The following PLD5 variants were observed in gnomAD, a reference collection of about 807,000 sequenced individuals.
PLD5 encodes the protein inactive phospholipase D5.
In PLD5, 36 loss-of-function variants were observed where a neutral mutation model predicts 61.1. The ratio of observed to expected loss-of-function variants is 0.59; its 90% CI spans 0.45 to 0.78. PLD5 has a LOEUF of 0.78. PLD5 is among the 30% of genes least tolerant of loss of function. The probability of loss-of-function intolerance (pLI) is 0.00; values close to 1 mark genes in which losing one functional copy is unlikely to be tolerated. For missense variants in PLD5, 515 were observed against 644.4 expected (o/e 0.80, Z 2.17); for synonymous variants, 243 against 242.8 (o/e 1.00, Z -0.01).
intron 9 of PLD5, among the ~76,000 whole-genome samples, chr1:242,091,108 C>T (rs1659788851): frequency 6.6e-6 from 1 of 152,028 alleles, no homozygotes; most frequent in Non-Finnish European, 1.5e-5. Flanking sequence ...ATGTCTCTGT[C>T]CAAATTTCCC....
chr1:242,246,040 G>T (rs1263923627), intron 4 of PLD5, among the ~76,000 whole-genome samples: 1 of 152,132 alleles, frequency 6.6e-6, no homozygotes, highest in African/African-American at 2.4e-5. Context: ...CTAGGCAGTA[G>T]CTACTATTAT....
At chr1:242,338,371 T>C (rs368760509) in intron 2 of PLD5, among the ~76,000 whole-genome samples, 3 of 152,092 alleles carry the variant, frequency 2.0e-5, no homozygotes, top group East Asian at 3.9e-4. Context: ...CTGAAACAGG[T>C]TGTCTGTGGA....
chr1:242,436,817 C>T (rs61839790), intron 1 of PLD5, among the ~76,000 whole-genome samples: 8 of 152,264 alleles, frequency 5.3e-5, no homozygotes, highest in African/African-American at 9.6e-5. Flanking sequence ...GGTTGCACCA[C>T]GTTCTACCCA....
chr1:242,468,198 T>A (rs780979527), intron 1 of PLD5, among the ~76,000 whole-genome samples: 19 of 152,208 alleles, frequency 1.2e-4, no homozygotes, highest in African/African-American at 1.9e-4. Flanking sequence ...TTATTGACTT[T>A]AAGCATTTGT....
At chr1:242,324,942 C>A (rs1460290902) in intron 2 of PLD5, among the ~76,000 whole-genome samples, 1 of 152,152 alleles carries the variant, frequency 6.6e-6, no homozygotes, top group Non-Finnish European at 1.5e-5. Flanking sequence ...CTCCTGCCTG[C>A]CTAAATATCT....
At chr1:242,463,950 C>T (rs1218861925) in intron 1 of PLD5, among the ~76,000 whole-genome samples, 1 of 152,158 alleles carries the variant, frequency 6.6e-6, no homozygotes, top group Non-Finnish European at 1.5e-5. Context: ...AAAGCATTAT[C>T]ATTCAGTTAT....
intron 5 of PLD5, among the ~76,000 whole-genome samples, chr1:242,169,053 A>G (rs1392280157): frequency 6.6e-6 from 1 of 152,014 alleles, no homozygotes; most frequent in African/African-American, 2.4e-5. Context: ...AACAATGTAT[A>G]TTAACACTGA....
chr1:242,491,002 A>G (rs1037786245), intron 1 of PLD5, among the ~76,000 whole-genome samples: 1 of 152,212 alleles, frequency 6.6e-6, no homozygotes, highest in African/African-American at 2.4e-5. Context: ...TACCTTTGGG[A>G]CATGACAGTC....
At chr1:242,481,282 C>A (rs557721149) in intron 1 of PLD5, among the ~76,000 whole-genome samples, 1 of 152,220 alleles carries the variant, frequency 6.6e-6, no homozygotes, top group East Asian at 1.9e-4. Context: ...CCGGGAAGTG[C>A]AAGGGGTCAG....
chr1:242,092,253 A>G (rs1361201487), intron 9 of PLD5, among the ~76,000 whole-genome samples: 1 of 152,022 alleles, frequency 6.6e-6, no homozygotes, highest in African/African-American at 2.4e-5. Flanking sequence ...CAGCCTCCTA[A>G]GTAGCTGTGA....
chr1:242,123,412 G>T (rs553299464), intron 6 of PLD5, among the ~76,000 whole-genome samples: 1 of 152,132 alleles, frequency 6.6e-6, no homozygotes, highest in Non-Finnish European at 1.5e-5. Flanking sequence ...AGGGTCACAG[G>T]TGGCCAGAGC....
In PLD5 at chr1:242,285,755, T is replaced by G. The variant is rs540660137; in HGVS notation, c.495+2607A>C. On this transcript the variant is annotated intron_variant, in intron 3 of 9. Coordinates refer to ENST00000536534, the MANE Select transcript of PLD5 (RefSeq NM_001372062.1). ...GGCAGATTACAAGTTTTTGAAGTAC[T>G]TCTATAGTAACTATAGAAGTAAACT... Among the ~76,000 whole-genome samples, 31 of 152,024 alleles carry G rather than the reference T, an allele frequency of 2.0e-4. No homozygotes were observed. The East Asian group carries it at 5.8e-3, about 28-fold the overall frequency.
intron 2 of PLD5, among the ~76,000 whole-genome samples, chr1:242,337,546 G>T (rs902296050): frequency 2.0e-5 from 3 of 152,180 alleles, no homozygotes; most frequent in Non-Finnish European, 4.4e-5. Context: ...CCGAAGAATT[G>T]CTTGAACCTG....
chr1:242,485,026 C>G (rs1473809932), intron 1 of PLD5, among the ~76,000 whole-genome samples: 1 of 151,756 alleles, frequency 6.6e-6, no homozygotes, highest in Non-Finnish European at 1.5e-5. Flanking sequence ...ATGCTAAAAA[C>G]TCTCAATAAA....
intron 1 of PLD5, among the ~76,000 whole-genome samples, chr1:242,419,911 C>T (rs7530798): frequency 0.44 from 67,378 of 151,996 alleles, 16,508 homozygotes; most frequent in African/African-American, 0.66. Flanking sequence ...CTGCTAGCTT[C>T]CAACTACTTT....
chr1:242,106,570 G>A (rs1459867185), intron 8 of PLD5, among the ~76,000 whole-genome samples: 1 of 152,204 alleles, frequency 6.6e-6, no homozygotes, highest in Non-Finnish European at 1.5e-5. Flanking sequence ...GCAGTGGAAT[G>A]AAGGCTAAAG....
At chr1:242,304,625 C>A (rs866875293) in intron 2 of PLD5, among the ~76,000 whole-genome samples, 4 of 152,166 alleles carry the variant, frequency 2.6e-5, no homozygotes, top group African/African-American at 7.2e-5. Flanking sequence ...CTATAAGAAA[C>A]ATTCTATGTA....
intron 1 of PLD5, among the ~76,000 whole-genome samples, chr1:242,402,689 T>A (rs1664008724): frequency 6.6e-6 from 1 of 152,218 alleles, no homozygotes. Context: ...CAGTATTTTG[T>A]TTTCTAATGT....
Position 242,524,343 on chromosome 1 carries a change from G to T in PLD5, c.-67C>A. 1 of 1,329,638 alleles carries T rather than the reference G, an allele frequency of 7.5e-7. No individual in the cohort carries two copies. The allele number at this position is 1,329,638 out of a possible 1,614,324, so 82.4% of individuals were successfully genotyped here. A position where few individuals can be genotyped will look rare whatever the true frequency, so the allele number is the denominator to read the frequency against. ...GACGGGCGCGCGGGGAGCCGGGCGCGGAGGGCGAGCGGGAGGCCCAGCGGG... is the reference window on the plus strand; with the variant it reads ...GACGGGCGCGCGGGGAGCCGGGCGCTGAGGGCGAGCGGGAGGCCCAGCGGG... On this transcript the variant is annotated 5_prime_UTR_variant, in exon 1 of 10. Transcript: ENST00000536534.
Sources: allele counts gnomAD v4.1 joint callset (sites outside exome capture counted in the v4.1 genomes callset), GRCh38; gene constraint gnomAD v4.1.1; transcripts MANE v1.5; gene names NCBI Gene and HGNC (gene_info 2026-07-23, HGNC 2026-07-21).